The following CHSY1 variants were observed in gnomAD, a reference collection of about 807,000 sequenced individuals.
The protein encoded by CHSY1 is N-acetylgalactosaminyl-proteoglycan 3-beta-glucuronosyltransferase 1.
A neutral mutation model predicts 59.8 loss-of-function variants in CHSY1; 13 were observed. That is an observed-to-expected ratio of 0.22 (90% CI 0.14 to 0.35). The LOEUF (loss-of-function observed/expected upper bound fraction) is 0.35, where lower values mean the gene tolerates loss of function less well. CHSY1 is among the 10% of genes least tolerant of loss of function. The probability of loss-of-function intolerance (pLI) is 1.00; values close to 1 mark genes in which losing one functional copy is unlikely to be tolerated. For synonymous variants in CHSY1, 459 were observed against 401.2 expected (o/e 1.14, Z -1.72); for missense variants, 947 against 1,030.6 (o/e 0.92, Z 1.11).
At chr15:101,211,978 G>A (rs952026509) in intron 2 of CHSY1, among the ~76,000 whole-genome samples, 1 of 151,836 alleles carries the variant, frequency 6.6e-6, no homozygotes, top group Non-Finnish European at 1.5e-5. Flanking sequence ...AAGACTTGGG[G>A]TAGGCAAAAG....
intron 1 of CHSY1, among the ~76,000 whole-genome samples, chr15:101,245,368 T>TA (rs577631906): frequency 3.6e-4 from 49 of 134,974 alleles, no homozygotes; most frequent in Admixed American, 3.4e-3. Flanking sequence ...AGCTAGTGGG[T>TA]AAAAAAAGGG....
In CHSY1 at chr15:101,178,423, G is replaced by T. The variant is rs1204535575; in HGVS notation, c.1374C>A (p.His458Gln). ...ILDLLLLYKK[H>Q]KGKKMTVPVR... The stretch of plus-strand genomic sequence containing the variant: ...CAGGGACCGTCATTTTCTTCCCTTT[G>T]TGCTTTTTGTACAGAAGCAGCAGGT... Residue 458 changes from histidine (H) to glutamine (Q), a missense_variant, in exon 3 of 3, where the codon CAC becomes CAA. Physicochemically the swap from His to Gln is conservative, Grantham distance 24 (BLOSUM62 0). This residue lies in a region of CHSY1 where 602 missense variants were observed against 676.9 expected (regional missense o/e 0.89). Transcript: ENST00000254190. 8 of 1,613,722 alleles carry T rather than the reference G, an allele frequency of 5.0e-6. No individual in the cohort carries two copies. Among genetic ancestry groups the T allele is most frequent in the Non-Finnish European group, 6.8e-6 (8 of 1,179,754 alleles).
At chr15:101,241,256 A>G (rs963897726) in intron 1 of CHSY1, among the ~76,000 whole-genome samples, 4 of 152,128 alleles carry the variant, frequency 2.6e-5, no homozygotes, top group African/African-American at 9.7e-5. Context: ...ACGCCCAGCT[A>G]ATTTTTGTAC....
chr15:101,186,953 C>T (rs1195261248), intron 2 of CHSY1, among the ~76,000 whole-genome samples: 1 of 152,160 alleles, frequency 6.6e-6, no homozygotes, highest in East Asian at 1.9e-4. Flanking sequence ...CCTCTGAAGC[C>T]CAGCTCTGAC....
rs1567336763 is a variant in CHSY1, at chr15:101,178,818, G to A, written c.979C>T (p.Leu327Phe). 1 of 1,614,184 alleles carries A rather than the reference G, an allele frequency of 6.2e-7. No homozygotes were observed. Among genetic ancestry groups the A allele is most frequent in the Non-Finnish European group, 8.5e-7 (1 of 1,180,036 alleles). The change falls in exon 3 of 3, where the codon CTC (leucine) becomes TTC (phenylalanine). Residue 327 changes from leucine (L) to phenylalanine (F), a missense_variant. By Grantham distance (22) the Leu-to-Phe change is conservative. Around this residue, in one of 4 missense-constraint regions of CHSY1, gnomAD observed 602 missense variants for 676.9 expected, o/e 0.89. Coordinates refer to ENST00000254190, the MANE Select transcript of CHSY1 (RefSeq NM_014918.5). ...SYMLSRKISE[L>F]RHRTIQLHRE... ...TGCAGCTGTATTGTGCGATGGCGGA[G>A]CTCGGATATCTTGCGGCTCAGCATG...
At chr15:101,220,346 A>G (rs2038776439) in intron 2 of CHSY1, among the ~76,000 whole-genome samples, 1 of 152,026 alleles carries the variant, frequency 6.6e-6, no homozygotes, top group Admixed American at 6.5e-5. Context: ...TACCATCAAT[A>G]TGCTGCAGAT....
At position 101,251,626 on chromosome 15, in the gene CHSY1, G is replaced by T. The variant is rs892181428; in HGVS notation, c.-170C>A. 5.5e-5 allele frequency: 8 copies of T among 146,096 alleles called. No homozygotes were observed. The highest frequency in any genetic ancestry group is 1.7e-4 in the African/African-American group (7 of 40,664). The allele number at this position is 146,096 out of a possible 1,614,324, so 9.0% of individuals were successfully genotyped here. A position where few individuals can be genotyped will look rare whatever the true frequency, so the allele number is the denominator to read the frequency against. ...ATCGCGGCCCCCGAGCCGCCCGCAG[G>T]CCCCGCGCCGGCGCTTTGTTCCGCA... is the stretch of plus-strand genomic sequence containing the variant. On this transcript the variant is annotated 5_prime_UTR_variant, in exon 1 of 3. Transcript: ENST00000254190.
chr15:101,249,499 C>T (rs1332870081), intron 1 of CHSY1, among the ~76,000 whole-genome samples: 1 of 144,400 alleles, frequency 6.9e-6, no homozygotes, highest in Non-Finnish European at 1.5e-5. Flanking sequence ...ATCTATCGAT[C>T]GATAGATAGA....
chr15:101,225,649 C>G (rs1309391890), intron 2 of CHSY1, among the ~76,000 whole-genome samples: 4 of 152,154 alleles, frequency 2.6e-5, no homozygotes, highest in Admixed American at 2.0e-4. Flanking sequence ...GATGTCGACT[C>G]CCGCTTTGCC....
At chr15:101,186,114 A>T (rs1457673715) in intron 2 of CHSY1, among the ~76,000 whole-genome samples, 2 of 145,784 alleles carry the variant, frequency 1.4e-5, no homozygotes, top group African/African-American at 5.1e-5. Context: ...GTTCCAGACC[A>T]GTCTGGGCAA....
At chr15:101,236,360 G>T (rs1164137013) in intron 1 of CHSY1, among the ~76,000 whole-genome samples, 3 of 152,210 alleles carry the variant, frequency 2.0e-5, no homozygotes, top group African/African-American at 7.2e-5. Context: ...CCCCCACACT[G>T]TTCTCATGGT....
At chr15:101,245,244 A>G (rs1334653518) in intron 1 of CHSY1, among the ~76,000 whole-genome samples, 3 of 152,164 alleles carry the variant, frequency 2.0e-5, no homozygotes, top group Admixed American at 6.5e-5. Context: ...GCCTACACCT[A>G]GCCCCAAAGA....
intron 2 of CHSY1, among the ~76,000 whole-genome samples, chr15:101,225,053 C>A (rs1490225864): frequency 6.6e-6 from 1 of 152,218 alleles, no homozygotes; most frequent in Non-Finnish European, 1.5e-5. Context: ...ACTCATCCTG[C>A]CTGCTCTAAT....
intron 2 of CHSY1, among the ~76,000 whole-genome samples, chr15:101,195,759 A>G (rs1324741827): frequency 6.7e-6 from 1 of 149,332 alleles, no homozygotes; most frequent in Non-Finnish European, 1.5e-5. Context: ...TGGGAGGCGG[A>G]GCTTGCAGTG....
At chr15:101,205,828 G>A (rs1047752486) in intron 2 of CHSY1, among the ~76,000 whole-genome samples, 3 of 152,026 alleles carry the variant, frequency 2.0e-5, no homozygotes, top group African/African-American at 4.8e-5. Context: ...GTGGGCGCCC[G>A]TAGTCCCAGC....
At chr15:101,244,185 A>G (rs1186432182) in intron 1 of CHSY1, among the ~76,000 whole-genome samples, 1 of 152,210 alleles carries the variant, frequency 6.6e-6, no homozygotes, top group Non-Finnish European at 1.5e-5. Flanking sequence ...ACCCAATGCC[A>G]TCCGGAACCA....
At chr15:101,225,327 C>G (rs907082345) in intron 2 of CHSY1, among the ~76,000 whole-genome samples, 3 of 152,064 alleles carry the variant, frequency 2.0e-5, no homozygotes, top group African/African-American at 7.2e-5. Context: ...CTTGGTGCTG[C>G]GATTACAGGC....
At chr15:101,230,002 C>T (rs1189115309) in intron 2 of CHSY1, among the ~76,000 whole-genome samples, 2 of 150,054 alleles carry the variant, frequency 1.3e-5, no homozygotes, top group African/African-American at 2.5e-5. Flanking sequence ...AGTGAAGTGG[C>T]GTGATCTCGG....
At chr15:101,206,714 T>G (rs2038630099) in intron 2 of CHSY1, among the ~76,000 whole-genome samples, 1 of 152,190 alleles carries the variant, frequency 6.6e-6, no homozygotes, top group Non-Finnish European at 1.5e-5. Context: ...AGAAAACATG[T>G]AGGTTTGTCA....
Sources: gnomAD v4.1 joint callset for allele counts (sites outside exome capture counted in the v4.1 genomes callset) on GRCh38, gnomAD v4.1.1 for gene constraint, gnomAD v4.1.1 regional missense constraint, MANE v1.5 for transcripts, NCBI Gene and HGNC (gene_info 2026-07-23, HGNC 2026-07-21) for gene names.